The following NRCAM variants were observed in gnomAD, a reference collection of about 807,000 sequenced individuals.
NRCAM encodes the protein neuronal cell adhesion molecule, also known as NgCAM-related cell adhesion molecule.
NRCAM carries 83 observed loss-of-function variants against 156.5 expected under a neutral mutation model. The observed-to-expected ratio is 0.53, with a 90% CI of 0.44 to 0.64. The LOEUF (loss-of-function observed/expected upper bound fraction) is 0.64. NRCAM is among the 30% of genes least tolerant of loss of function. NRCAM has a pLI of 0.00. For missense variants in NRCAM, 1,417 were observed against 1,597.3 expected (o/e 0.89, Z 1.92); for synonymous variants, 538 against 563.9 (o/e 0.95, Z 0.65).
At chr7:108,321,091 A>G (rs1422739626) in intron 2 of NRCAM, among the ~76,000 whole-genome samples, 2 of 152,240 alleles carry the variant, frequency 1.3e-5, no homozygotes, top group Non-Finnish European at 2.9e-5. Flanking sequence ...TTTGGCTCAT[A>G]TAACTTGCAT....
intron 28 of NRCAM, among the ~76,000 whole-genome samples, chr7:108,174,297 AC>A (rs1344206243): frequency 6.6e-6 from 1 of 152,238 alleles, no homozygotes; most frequent in Non-Finnish European, 1.5e-5. Context: ...TTTGTAATTT[AC>A]CAAAGCTCTG....
chr7:108,181,965 A>C (rs759233594), intron 23 of NRCAM, 28 bp from the exon 24 acceptor site: 2 of 1,509,032 alleles, frequency 1.3e-6, no homozygotes, highest in Non-Finnish European at 1.8e-6. Context: ...AAGTGGTAGA[A>C]GTATCAATGT....
intron 2 of NRCAM, among the ~76,000 whole-genome samples, chr7:108,392,978 T>TG (rs2099765568): frequency 1.3e-5 from 2 of 152,084 alleles, no homozygotes; most frequent in African/African-American, 2.4e-5. Context: ...CTGCCCCTAC[T>TG]TGGGGGTGCC....
At chr7:108,386,388 C>T (rs1210409702) in intron 2 of NRCAM, among the ~76,000 whole-genome samples, 1 of 152,172 alleles carries the variant, frequency 6.6e-6, no homozygotes, top group Non-Finnish European at 1.5e-5. Flanking sequence ...CATATCCATT[C>T]TTTAATCTTA....
intron 1 of NRCAM, among the ~76,000 whole-genome samples, chr7:108,420,039 CGTGTGT>C (rs35840496): frequency 2.7e-4 from 39 of 146,746 alleles, no homozygotes; most frequent in African/African-American, 7.6e-4. Context: ...TTAGTTCCAT[CGTGTGT>C]GTGTGTGTGT....
In NRCAM at chr7:108,184,486, TCACGCGGAAGGAG is replaced by T. The variant is rs1432967292; in HGVS notation, c.2151_2163del (p.Tyr717Ter). On this transcript the variant is annotated frameshift_variant, in exon 21 of 33. Transcript: ENST00000379028. LOFTEE classifies it high-confidence loss of function. ...CTCTTCCCAATGCTGTTCACTGCCA[TCACGCGGAAGGAG>T]TAGTTCACGTAAGGAGACAGCTTCA... The T allele has an allele frequency of 6.2e-7, 1 of 1,614,058 alleles. No homozygotes were observed. The highest frequency in any genetic ancestry group is 1.3e-5 in the African/African-American group (1 of 74,930).
chr7:108,252,362 T>C (rs1372930631), intron 3 of NRCAM, among the ~76,000 whole-genome samples: 1 of 152,218 alleles, frequency 6.6e-6, no homozygotes, highest in African/African-American at 2.4e-5. Context: ...CAAATTTAGG[T>C]TTCTGTCTCC....
intron 32 of NRCAM, among the ~76,000 whole-genome samples, chr7:108,158,098 G>A (rs2046626723): frequency 6.6e-6 from 1 of 152,096 alleles, no homozygotes; most frequent in South Asian, 2.1e-4. Flanking sequence ...GATGCCCTAG[G>A]CTACGGGCTT....
At chr7:108,153,508 C>G (rs1338932366) in intron 32 of NRCAM, among the ~76,000 whole-genome samples, 2 of 151,940 alleles carry the variant, frequency 1.3e-5, no homozygotes, top group African/African-American at 4.8e-5. Flanking sequence ...AAGTAAACAT[C>G]ATCCTTAATG....
At position 108,351,820 on chromosome 7, in the gene NRCAM, T is replaced by C. The variant is rs2099414887; in HGVS notation, c.-173-39089A>G. On this transcript the variant is annotated intron_variant, in intron 2 of 32. Transcript: ENST00000379028. ...TTTTTGAAACATGATGAAATACACATTTAACAAAAGAAAATATTTGTCTTT... is the reference window on the plus strand; with the variant it reads ...TTTTTGAAACATGATGAAATACACACTTAACAAAAGAAAATATTTGTCTTT... 3.9e-5 allele frequency among the ~76,000 whole-genome samples: 6 copies of C among 152,084 alleles called. No homozygotes were observed. In the South Asian group the frequency reaches 1.2e-3, roughly 31 times the overall value.
intron 18 of NRCAM, 46 bp downstream of exon 18, chr7:108,191,683 C>A: frequency 6.5e-7 from 1 of 1,548,882 alleles, no homozygotes; most frequent in South Asian, 1.2e-5. Flanking sequence ...TTCTTTTCAA[C>A]CAAATGCAGG....
rs866995641 is a variant in NRCAM at position 108,382,468 on chromosome 7, G to A, written c.-174+16968C>T. Among the ~76,000 whole-genome samples, 16 of 151,948 alleles carry A rather than the reference G, an allele frequency of 1.1e-4. No individual in the cohort carries two copies. In the Middle Eastern group the frequency reaches 0.01, roughly 98 times the overall value. On this transcript the variant is annotated intron_variant, in intron 2 of 32. Transcript: ENST00000379028. ...AAATTAATTTTTTTTAATTAGCCAGGTACAGTGGCATGCACCTGTAGTCCC... is the reference window on the plus strand; with the variant it reads ...AAATTAATTTTTTTTAATTAGCCAGATACAGTGGCATGCACCTGTAGTCCC...
intron 2 of NRCAM, among the ~76,000 whole-genome samples, chr7:108,317,616 G>A (rs1395639309): frequency 2.0e-5 from 3 of 152,050 alleles, no homozygotes; most frequent in Admixed American, 6.6e-5. Context: ...CTAAGAAAAT[G>A]GGGAAGACTG....
At chr7:108,162,791 A>G (rs2050054132) in intron 30 of NRCAM, among the ~76,000 whole-genome samples, 1 of 152,280 alleles carries the variant, frequency 6.6e-6, no homozygotes, top group Non-Finnish European at 1.5e-5. Flanking sequence ...GTGTGCACAC[A>G]CACAGTCACA....
At chr7:108,261,418 C>G (rs1211212321) in intron 3 of NRCAM, among the ~76,000 whole-genome samples, 1 of 152,206 alleles carries the variant, frequency 6.6e-6, no homozygotes, top group Admixed American at 6.5e-5. Context: ...CTACAGCTGA[C>G]AGGTATCATT....
intron 30 of NRCAM, among the ~76,000 whole-genome samples, chr7:108,164,282 C>T (rs910405381): frequency 1.3e-5 from 2 of 151,822 alleles, no homozygotes; most frequent in Admixed American, 1.3e-4. Flanking sequence ...AGCGCAGCAT[C>T]AGGACACCGC....
intron 3 of NRCAM, among the ~76,000 whole-genome samples, chr7:108,257,677 TATC>T (rs751205757): frequency 6.6e-6 from 1 of 152,220 alleles, no homozygotes; most frequent in Non-Finnish European, 1.5e-5. Context: ...AAATTATTTC[TATC>T]ATCATCTGCA....
At chr7:108,451,141 C>T (rs1008294809) in intron 1 of NRCAM, among the ~76,000 whole-genome samples, 2 of 151,720 alleles carry the variant, frequency 1.3e-5, no homozygotes, top group African/African-American at 4.8e-5. Flanking sequence ...ATCACTTGAA[C>T]CAGGGAGGCA....
At chr7:108,354,621 G>A (rs1385066309) in intron 2 of NRCAM, among the ~76,000 whole-genome samples, 7 of 152,144 alleles carry the variant, frequency 4.6e-5, no homozygotes, top group Admixed American at 2.6e-4. Context: ...CAGGCTGGGC[G>A]TGGTGGCTCA....
Sources: allele counts gnomAD v4.1 joint callset (sites outside exome capture counted in the v4.1 genomes callset), GRCh38; gene constraint gnomAD v4.1.1; transcripts MANE v1.5; gene names NCBI Gene and HGNC (gene_info 2026-07-23, HGNC 2026-07-21).